Variants in STAB2 observed in about 807,000 individuals in gnomAD.
The protein encoded by STAB2 is stabilin 2, also known as stabilin-2.
STAB2 carries 288 observed loss-of-function variants against 338.1 expected under a neutral mutation model. The ratio of observed to expected loss-of-function variants is 0.85; its 90% CI spans 0.77 to 0.94. The LOEUF (loss-of-function observed/expected upper bound fraction) is 0.94. Ranked by LOEUF, STAB2 falls within the 40% of genes least tolerant of loss-of-function variation. STAB2 has a pLI of 0.00. For missense variants in STAB2, 3,141 were observed against 3,210.1 expected, an observed-to-expected ratio of 0.98 and a Z score of 0.52; for synonymous variants, 1,202 against 1,193.3, an observed-to-expected ratio of 1.01 and a Z score of -0.15.
At chr12:103,688,289 C>A in intron 28 of STAB2, 74 bp downstream of exon 28, 1 of 1,455,396 alleles carries the variant, frequency 6.9e-7, no homozygotes, top group Non-Finnish European at 9.6e-7. Context: ...CAATAGAAAA[C>A]CGAAAATGCA....
chr12:103,715,885 C>A lies in STAB2; in HGVS notation c.4608C>A (p.Asn1536Lys), dbSNP rs1323717255. Residue 1536 changes from asparagine to lysine, a missense_variant, in exon 43 of 69, where the codon AAC becomes AAA. Coordinates refer to ENST00000388887, the MANE Select transcript of STAB2 (RefSeq NM_017564.10). ...CGGAGTGCACACAGACAGGACCCAA[C>A]CAGGTGAGTGCCACCTCTCCCAGGC... ...KNAECTQTGP[N>K]QAACNCLPAY... 1 of 1,613,942 alleles carries A rather than the reference C, an allele frequency of 6.2e-7. No individual in the cohort carries two copies. The highest frequency in any genetic ancestry group is 1.7e-5 in the Admixed American group (1 of 60,012).
Position 103,766,659 on chromosome 12 carries a change from C to T in STAB2, c.*323C>T. On this transcript the variant is annotated 3_prime_UTR_variant, in exon 69 of 69. Transcript: ENST00000388887. ...TAAGCCTCCGTCTTTGTATCCCAGC[C>T]CCTAGCCCAGTGCCTGACACAGGAA... The T allele has an allele frequency of 3.3e-6, 1 of 301,148 alleles. No individual in the cohort carries two copies. Among genetic ancestry groups the T allele is most frequent in the Non-Finnish European group, 6.3e-6 (1 of 158,490 alleles). 18.7% of individuals were successfully genotyped at this position (301,148 alleles called of 1,614,324 possible).
At chr12:103,737,875 C>G (rs1481981483) in intron 53 of STAB2, 95 bp downstream of exon 53, 18 of 1,504,134 alleles carry the variant, frequency 1.2e-5, no homozygotes, top group Non-Finnish European at 1.6e-5. Flanking sequence ...CCATTAAGGG[C>G]CTGTCCTCAG....
At chr12:103,623,734 G>A (rs970680686) in intron 5 of STAB2, among the ~76,000 whole-genome samples, 4 of 152,192 alleles carry the variant, frequency 2.6e-5, no homozygotes, top group African/African-American at 9.7e-5. Flanking sequence ...AAGACACTAG[G>A]TGTGTGGCAA....
chr12:103,705,966 G>C (rs1271267179), intron 37 of STAB2, among the ~76,000 whole-genome samples: 3 of 152,208 alleles, frequency 2.0e-5, no homozygotes, highest in Non-Finnish European at 4.4e-5. Context: ...AAAAAACTGA[G>C]AGTCCGAGAG....
At chr12:103,760,076 T>C (rs1274557821) in intron 65 of STAB2, among the ~76,000 whole-genome samples, 4 of 152,192 alleles carry the variant, frequency 2.6e-5, no homozygotes, top group Non-Finnish European at 5.9e-5. Flanking sequence ...ATCCATTTCG[T>C]CATCTACTCC....
intron 27 of STAB2, 24 bp downstream of exon 27, chr12:103,685,108 A>G (rs748846409): frequency 6.2e-7 from 1 of 1,606,778 alleles, no homozygotes; most frequent in Non-Finnish European, 8.5e-7. Context: ...GATGAACTCA[A>G]TAATATAGAC....
chr12:103,705,900 A>C (rs756850471), intron 37 of STAB2, among the ~76,000 whole-genome samples, 173 bp downstream of exon 37: 1 of 152,218 alleles, frequency 6.6e-6, no homozygotes, highest in Non-Finnish European at 1.5e-5. Context: ...AGCTCAGAAC[A>C]GCTCTGTAAT....
At chr12:103,762,524 T>C (rs1219865623) in intron 67 of STAB2, 122 bp downstream of exon 67, 1 of 1,489,098 alleles carries the variant, frequency 6.7e-7, no homozygotes, top group South Asian at 1.3e-5. Flanking sequence ...TGTCACACAG[T>C]AGCAGGGGCG....
intron 24 of STAB2, among the ~76,000 whole-genome samples, chr12:103,676,251 G>A (rs181440064): frequency 2.4e-4 from 36 of 152,042 alleles, no homozygotes; most frequent in African/African-American, 8.2e-4. Context: ...AGTAGACAGG[G>A]TTTCACCATG....
intron 54 of STAB2, 109 bp downstream of exon 54, chr12:103,739,577 G>C (rs4981029): frequency 1.1e-5 from 9 of 801,464 alleles, no homozygotes; most frequent in Non-Finnish European, 3.6e-6. Flanking sequence ...GTGTGTGCCC[G>C]TGCACGTATG....
chr12:103,712,317 G>A (rs761654043), intron 40 of STAB2, 50 bp from the exon 41 acceptor site: 4 of 1,379,270 alleles, frequency 2.9e-6, no homozygotes, highest in African/African-American at 1.4e-5. Context: ...GTCATGTGGT[G>A]GGAGGTGGAG....
chr12:103,675,639 T>TA (rs1479531173), intron 23 of STAB2, among the ~76,000 whole-genome samples: 2 of 152,254 alleles, frequency 1.3e-5, no homozygotes, highest in Non-Finnish European at 2.9e-5. Context: ...TTCAGCCTTA[T>TA]ATGGGAGGTA....
intron 44 of STAB2, among the ~76,000 whole-genome samples, chr12:103,720,170 A>C (rs557257122): frequency 4.2e-4 from 64 of 152,294 alleles, no homozygotes; most frequent in African/African-American, 1.5e-3. Context: ...CACTAGAACT[A>C]TGGCCAGCTT....
chr12:103,601,191 A>G (rs951424296), intron 3 of STAB2, among the ~76,000 whole-genome samples: 7 of 152,132 alleles, frequency 4.6e-5, no homozygotes, highest in Non-Finnish European at 8.8e-5. Context: ...GAGATAGTGC[A>G]CGTAATGTGC....
chr12:103,596,952 C>CAAAAA (rs35439238), intron 3 of STAB2, among the ~76,000 whole-genome samples: 1 of 64,482 alleles, frequency 1.6e-5, no homozygotes, highest in Non-Finnish European at 2.8e-5. Flanking sequence ...GACCCTATCT[C>CAAAAA]AAAAAAAAAA....
intron 36 of STAB2, chr12:103,704,834 A>C: frequency 2.3e-6 from 1 of 435,198 alleles, no homozygotes; most frequent in Admixed American, 4.2e-5. Context: ...ATATGAATCA[A>C]CAGACAGGAC....
chr12:103,692,911 T>G (rs1266500935), intron 31 of STAB2, 22 bp downstream of exon 31: 1 of 1,597,336 alleles, frequency 6.3e-7, no homozygotes, highest in Admixed American at 1.7e-5. Context: ...CATTCTCCTG[T>G]GCGTGCAGCA....
At chr12:103,704,038 T>C (rs1187071916) in intron 35 of STAB2, among the ~76,000 whole-genome samples, 8 of 152,206 alleles carry the variant, frequency 5.3e-5, no homozygotes, top group Non-Finnish European at 8.8e-5. Context: ...AACAACCACA[T>C]TATCCTGTCT....
Sources: allele counts gnomAD v4.1 joint callset (sites outside exome capture counted in the v4.1 genomes callset), GRCh38; gene constraint gnomAD v4.1.1; transcripts MANE v1.5; gene names NCBI Gene and HGNC (gene_info 2026-07-23, HGNC 2026-07-21).